Variants in MSH4 observed in about 807,000 individuals in gnomAD.
MSH4 encodes mutS protein homolog 4.
In MSH4, 106 loss-of-function variants were observed where a neutral mutation model predicts 113.7. The observed-to-expected ratio is 0.93, with a 90% CI of 0.80 to 1.10. The LOEUF is 1.10. MSH4 is among the 50% of genes least tolerant of loss of function. The probability of loss-of-function intolerance (pLI) is 0.00; values close to 1 mark genes in which losing one functional copy is unlikely to be tolerated. For synonymous variants in MSH4, 368 were observed against 380.2 expected, an observed-to-expected ratio of 0.97 and a Z score of 0.37; for missense variants, 1,061 against 1,093.7, an observed-to-expected ratio of 0.97 and a Z score of 0.42.
intron 3 of MSH4, among the ~76,000 whole-genome samples, chr1:75,810,339 A>G (rs1249770285): frequency 6.6e-6 from 1 of 151,298 alleles, no homozygotes; most frequent in Non-Finnish European, 1.5e-5. Flanking sequence ...CTGGGCTCAA[A>G]CTATTCTCAT....
chr1:75,866,627 C>A (rs939976905), intron 8 of MSH4, among the ~76,000 whole-genome samples: 3 of 152,040 alleles, frequency 2.0e-5, no homozygotes, highest in Non-Finnish European at 2.9e-5. Flanking sequence ...TAAATTGATG[C>A]ATATGGTCAC....
At chr1:75,826,498 T>G (rs9970459) in intron 7 of MSH4, among the ~76,000 whole-genome samples, 152,018 of 152,196 alleles carry the variant, frequency 1, 75,920 homozygotes, top group Middle Eastern at 1. Context: ...CTTGTCTTCT[T>G]CTAGCTTTTG....
intron 7 of MSH4, among the ~76,000 whole-genome samples, chr1:75,842,398 G>T (rs1305657127): frequency 6.6e-6 from 1 of 152,106 alleles, no homozygotes; most frequent in Non-Finnish European, 1.5e-5. Flanking sequence ...TGGGCAGCAA[G>T]CCACCCAGGC....
intron 13 of MSH4, 24 bp from the exon 14 acceptor site, chr1:75,881,222 A>C: frequency 7.0e-7 from 1 of 1,434,044 alleles, no homozygotes; most frequent in South Asian, 1.2e-5. Flanking sequence ...ACATTATTAC[A>C]TGTCTTACCA....
chr1:75,842,582 C>T, intron 7 of MSH4, among the ~76,000 whole-genome samples: 1 of 150,316 alleles, frequency 6.7e-6, no homozygotes, highest in East Asian at 2.0e-4. Context: ...CATAATCATA[C>T]CCTAGGAAAA....
intron 1 of MSH4, among the ~76,000 whole-genome samples, chr1:75,797,901 G>A (rs1255572647): frequency 2.0e-5 from 3 of 152,140 alleles, no homozygotes; most frequent in Admixed American, 6.6e-5. Context: ...CTGAGATTGC[G>A]CCACTGCATT....
At chr1:75,816,704 G>A (rs1356603736) in intron 6 of MSH4, among the ~76,000 whole-genome samples, 158 bp downstream of exon 6, 12 of 152,052 alleles carry the variant, frequency 7.9e-5, no homozygotes, top group Admixed American at 7.9e-4. Flanking sequence ...TCAGCTCACT[G>A]CAACCTCTGC....
At position 75,907,705 on chromosome 1, in the gene MSH4, T is replaced by TAC. The variant is rs1571004076; in HGVS notation, c.2620-4990_2620-4989insCA. On this transcript the variant is annotated intron_variant, in intron 19 of 19. Transcript: ENST00000263187. ...CTCTCTATACATATATATATATATATATATATATATATATGTATAAAATCT... is the reference window on the plus strand; with the variant it reads ...CTCTCTATACATATATATATATATATACATATATATATATATGTATAAAATCT... Among the ~76,000 whole-genome samples, 3 of 134,048 alleles carry TAC rather than the reference T, an allele frequency of 2.2e-5. No homozygotes were observed. The East Asian group carries it at 6.0e-4, about 27-fold the overall frequency. 87.9% of individuals were successfully genotyped at this position (134,048 alleles called of 152,430 possible). A position where few individuals can be genotyped will look rare whatever the true frequency, so the allele number is the denominator to read the frequency against.
intron 8 of MSH4, among the ~76,000 whole-genome samples, chr1:75,853,228 C>A (rs1193493441): frequency 2.0e-5 from 3 of 152,014 alleles, no homozygotes. Flanking sequence ...CCATGCCCAG[C>A]TAATTTTTGT....
chr1:75,858,742 C>T (rs1052326475), intron 8 of MSH4, among the ~76,000 whole-genome samples: 10 of 152,038 alleles, frequency 6.6e-5, no homozygotes, highest in African/African-American at 2.2e-4. Context: ...TTTCTTGTGT[C>T]TCTGCCAGGA....
chr1:75,886,001 G>A (rs184243465), intron 15 of MSH4, among the ~76,000 whole-genome samples: 6,529 of 68,308 alleles, frequency 0.096, 563 homozygotes, highest in East Asian at 0.25. Flanking sequence ...TATATAGCAT[G>A]TATAGTATAT....
intron 8 of MSH4, among the ~76,000 whole-genome samples, chr1:75,862,282 G>T (rs1335053876): frequency 6.6e-6 from 1 of 152,168 alleles, no homozygotes; most frequent in Non-Finnish European, 1.5e-5. Flanking sequence ...CACCCTCCGT[G>T]GGCTGTACCC....
rs561292851 is a variant in MSH4, at chr1:75,878,410, A to C, written c.1540+92A>C. On this transcript the variant is annotated intron_variant, in intron 11 of 19. Transcript: ENST00000263187. ...TTTTGCTGCTGATGACTAGCCATACATATTTTAAATTTATTTTTCGTTACC... is the reference window on the plus strand; with the variant it reads ...TTTTGCTGCTGATGACTAGCCATACCTATTTTAAATTTATTTTTCGTTACC... 3 of 985,854 alleles carry C rather than the reference A, an allele frequency of 3.0e-6. No homozygotes were observed. In the African/African-American group the frequency reaches 5.0e-5, roughly 17 times the overall value. The allele number at this position is 985,854 out of a possible 1,614,324, so 61.1% of individuals were successfully genotyped here.
intron 7 of MSH4, among the ~76,000 whole-genome samples, chr1:75,840,702 A>G (rs1247593258): frequency 2.1e-5 from 3 of 145,952 alleles, no homozygotes; most frequent in Non-Finnish European, 3.0e-5. Context: ...AAAATAAAAT[A>G]TAAGAATCTA....
At position 75,833,129 on chromosome 1, in the gene MSH4, T is replaced by C. The variant is rs114625293; in HGVS notation, c.1162+10548T>C. ...AATGTGCAAAAATCACAAGCACTCC[T>C]AAACACCAATAACAGACATACAGAG... On this transcript the variant is annotated intron_variant, in intron 7 of 19. Coordinates refer to ENST00000263187, the MANE Select transcript of MSH4 (RefSeq NM_002440.4). 6.2e-3 allele frequency among the ~76,000 whole-genome samples: 939 copies of C among 152,292 alleles called. 11 individuals carry two copies. The highest frequency in any genetic ancestry group is 0.022 in the African/African-American group (909 of 41,554).
At chr1:75,823,887 T>C (rs1650486471) in intron 7 of MSH4, among the ~76,000 whole-genome samples, 1 of 152,202 alleles carries the variant, frequency 6.6e-6, no homozygotes, top group South Asian at 2.1e-4. Context: ...TGATGGGCAT[T>C]TGGGTTGGTT....
intron 7 of MSH4, among the ~76,000 whole-genome samples, chr1:75,831,364 A>G (rs112955616): frequency 0.015 from 2,250 of 152,264 alleles, 53 homozygotes; most frequent in African/African-American, 0.05. Flanking sequence ...CCCACTGTCA[A>G]CATTAGACAG....
At chr1:75,827,448 G>C (rs1437828022) in intron 7 of MSH4, among the ~76,000 whole-genome samples, 1 of 152,034 alleles carries the variant, frequency 6.6e-6, no homozygotes, top group African/African-American at 2.4e-5. Context: ...AAAATAACCA[G>C]CTAGCATCAT....
intron 6 of MSH4, among the ~76,000 whole-genome samples, chr1:75,819,663 A>G (rs1227144810): frequency 2.0e-5 from 3 of 152,234 alleles, no homozygotes; most frequent in African/African-American, 7.2e-5. Context: ...TACATGTATT[A>G]TATGAAGTTG....
Sources: gnomAD v4.1 joint callset for allele counts (sites outside exome capture counted in the v4.1 genomes callset) on GRCh38, gnomAD v4.1.1 for gene constraint, MANE v1.5 for transcripts, NCBI Gene and HGNC (gene_info 2026-07-23, HGNC 2026-07-21) for gene names.